Variants in MTARC2 observed in about 807,000 individuals in gnomAD.
MTARC2 encodes mitochondrial amidoxime reducing component 2, also known as MOCO sulphurase C-terminal domain containing 2.
In MTARC2, 27 loss-of-function variants were observed where a neutral mutation model predicts 35.6. The observed-to-expected ratio is 0.76, with a 90% CI of 0.56 to 1.04. The LOEUF (loss-of-function observed/expected upper bound fraction) is 1.04. Among genes scored for constraint, MTARC2 ranks in the 50% least tolerant of loss-of-function variants. MTARC2 has a pLI of 0.00. For missense variants in MTARC2, 412 were observed against 432.5 expected, an observed-to-expected ratio of 0.95 and a Z score of 0.42; for synonymous variants, 158 against 167.1, an observed-to-expected ratio of 0.95 and a Z score of 0.42.
chr1:220,756,356 A>G (rs1325070019), intron 2 of MTARC2: 1 of 152,242 alleles, frequency 6.6e-6, no homozygotes, highest in African/African-American at 2.4e-5. Flanking sequence ...CTAAGCTGAA[A>G]TCCACAACTC....
intron 1 of MTARC2, chr1:220,754,375 G>T (rs746596848): frequency 2.6e-5 from 12 of 456,184 alleles, no homozygotes; most frequent in African/African-American, 2.2e-4. Flanking sequence ...CAGAATGTGT[G>T]CATGAAGAGG....
intron 1 of MTARC2, 127 bp from the exon 2 acceptor site, chr1:220,754,820 C>T: frequency 2.2e-6 from 2 of 916,748 alleles, no homozygotes; most frequent in South Asian, 3.6e-5. Context: ...GGATAATTGT[C>T]TGGAAAATGA....
chr1:220,754,274 A>G, intron 1 of MTARC2: 1 of 455,438 alleles, frequency 2.2e-6, no homozygotes, highest in Non-Finnish European at 4.4e-6. Context: ...AATACAAAGT[A>G]AGAAAACCAA....
chr1:220,774,462 A>G (rs549332855), intron 4 of MTARC2, among the ~76,000 whole-genome samples: 2 of 152,350 alleles, frequency 1.3e-5, no homozygotes, highest in South Asian at 4.1e-4. Context: ...CCCTCGACTT[A>G]TCACAAAATA....
At position 220,780,183 on chromosome 1, in the gene MTARC2, G is replaced by A. The variant is rs781072411; in HGVS notation, c.828G>A (p.Thr276=). The A allele has an allele frequency of 3.7e-6, 6 of 1,612,642 alleles. No homozygotes were observed. The highest frequency in any genetic ancestry group is 4.5e-5 in the East Asian group (2 of 44,814). The part of the protein sequence containing the change: ...VMACPRCILT[T]VDPDTGVIDR... ...TGCATAACAGGTGTATTTTGACAAC[G>A]GTGGACCCAGACACTGGAGTCATAG... The change falls in exon 6 of 8, where the codon ACG becomes ACA. Residue 276 remains threonine, a synonymous_variant. Coordinates refer to ENST00000366913, the MANE Select transcript of MTARC2 (RefSeq NM_017898.5).
chr1:220,761,218 T>A (rs935599809), intron 2 of MTARC2, among the ~76,000 whole-genome samples: 1 of 152,250 alleles, frequency 6.6e-6, no homozygotes, highest in Non-Finnish European at 1.5e-5. Flanking sequence ...GATTTGCTTA[T>A]GGTCACAGAA....
At chr1:220,782,922 G>A (rs1426632766) in intron 7 of MTARC2, among the ~76,000 whole-genome samples, 6 of 152,194 alleles carry the variant, frequency 3.9e-5, no homozygotes, top group Non-Finnish European at 4.4e-5. Flanking sequence ...ATAAAGTTGC[G>A]CTGCAACACA....
chr1:220,767,111 T>C (rs1164333671), intron 4 of MTARC2, among the ~76,000 whole-genome samples: 1 of 152,176 alleles, frequency 6.6e-6, no homozygotes, highest in Non-Finnish European at 1.5e-5. Flanking sequence ...GGTAGAACAC[T>C]GATTTTTCTC....
chr1:220,769,130 C>T (rs760619812), intron 4 of MTARC2, among the ~76,000 whole-genome samples: 2 of 152,206 alleles, frequency 1.3e-5, no homozygotes, highest in African/African-American at 2.4e-5. Flanking sequence ...ACAACTGAGT[C>T]ATTTGTAATA....
chr1:220,783,244 TG>T (rs1321888790), intron 7 of MTARC2, among the ~76,000 whole-genome samples: 1 of 152,222 alleles, frequency 6.6e-6, no homozygotes, highest in Non-Finnish European at 1.5e-5. Flanking sequence ...CATATAATAA[TG>T]GTGCATCTTA....
At chr1:220,748,828 C>A in intron 1 of MTARC2, 25 bp downstream of exon 1, 1 of 1,552,078 alleles carries the variant, frequency 6.4e-7, no homozygotes, top group Non-Finnish European at 8.7e-7. Flanking sequence ...GGGCGCGGGG[C>A]AGCGCGGAGC....
chr1:220,754,321 T>C, intron 1 of MTARC2: 1 of 456,216 alleles, frequency 2.2e-6, no homozygotes, highest in Non-Finnish European at 4.4e-6. Flanking sequence ...ATAAGTGGGA[T>C]TCTTATCTAA....
At position 220,772,561 on chromosome 1, in the gene MTARC2, T is replaced by C. The variant is rs868586761; in HGVS notation, c.751-7457T>C. 5.9e-5 allele frequency among the ~76,000 whole-genome samples: 9 copies of C among 152,296 alleles called. No individual in the cohort carries two copies. In the Middle Eastern group the frequency reaches 0.01, roughly 173 times the overall value. ...GCTAAGATTACAGAGATGACCTCAC[T>C]GTGTCTGCCTGCAAGGGTCTCAGGG... is the stretch of plus-strand genomic sequence containing the variant. On this transcript the variant is annotated intron_variant, in intron 4 of 7. Transcript: ENST00000366913.
chr1:220,777,660 G>A (rs553456105), intron 4 of MTARC2, among the ~76,000 whole-genome samples: 8 of 152,196 alleles, frequency 5.3e-5, no homozygotes, highest in Non-Finnish European at 1.2e-4. Flanking sequence ...CTGGACAGAG[G>A]ATTGCCCTGT....
At chr1:220,754,371 G>A (rs772770834) in intron 1 of MTARC2, 6 of 456,172 alleles carry the variant, frequency 1.3e-5, no homozygotes, top group Non-Finnish European at 2.2e-5. Flanking sequence ...ATGTCAGAAT[G>A]TGTGCATGAA....
chr1:220,778,587 C>T (rs1028654180), intron 4 of MTARC2, among the ~76,000 whole-genome samples: 5 of 152,068 alleles, frequency 3.3e-5, no homozygotes, highest in African/African-American at 1.2e-4. Context: ...GATGACAATC[C>T]GATATGAGAT....
At chr1:220,776,034 T>C (rs915968667) in intron 4 of MTARC2, among the ~76,000 whole-genome samples, 5 of 152,264 alleles carry the variant, frequency 3.3e-5, no homozygotes, top group African/African-American at 1.2e-4. Flanking sequence ...TTCCTTTGGG[T>C]ATATACCCAG....
intron 6 of MTARC2, among the ~76,000 whole-genome samples, chr1:220,781,383 G>T (rs12023249): frequency 6.6e-6 from 1 of 152,150 alleles, no homozygotes; most frequent in Non-Finnish European, 1.5e-5. Context: ...AAACCTGGAG[G>T]GGGTTGAAAG....
chr1:220,776,970 C>G (rs1671935274), intron 4 of MTARC2, among the ~76,000 whole-genome samples: 1 of 152,192 alleles, frequency 6.6e-6, no homozygotes, highest in Non-Finnish European at 1.5e-5. Flanking sequence ...AGTACAGTAG[C>G]TGCCTTCCTG....
Sources: gnomAD v4.1 joint callset for allele counts (sites outside exome capture counted in the v4.1 genomes callset) on GRCh38, gnomAD v4.1.1 for gene constraint, MANE v1.5 for transcripts, NCBI Gene and HGNC (gene_info 2026-07-23, HGNC 2026-07-21) for gene names.